RAI14: variants seen among roughly 807,000 people sequenced by gnomAD.
RAI14 encodes the protein retinoic acid induced 14, also known as ankycorbin.
In RAI14, 45 loss-of-function variants were observed where a neutral mutation model predicts 115.4. That is an observed-to-expected ratio of 0.39 (90% CI 0.31 to 0.50). RAI14 has a LOEUF of 0.50. RAI14 is among the 20% of genes least tolerant of loss of function. RAI14 has a pLI of 0.85. For synonymous variants in RAI14, 371 were observed against 415.4 expected (o/e 0.89, Z 1.30); for missense variants, 939 against 1,131.2 (o/e 0.83, Z 2.44).
At chr5:34,792,565 C>T (rs1029609971) in intron 3 of RAI14, among the ~76,000 whole-genome samples, 1 of 152,164 alleles carries the variant, frequency 6.6e-6, no homozygotes, top group African/African-American at 2.4e-5. Context: ...ATTCCTATGC[C>T]TGTGTGTTTT....
chr5:34,702,005 G>C (rs1387495202), intron 2 of RAI14, among the ~76,000 whole-genome samples: 2 of 151,798 alleles, frequency 1.3e-5, no homozygotes, highest in Non-Finnish European at 2.9e-5. Context: ...GTAGAGACAG[G>C]GTTTCACCAT....
At chr5:34,752,745 G>A (rs374495020) in intron 2 of RAI14, among the ~76,000 whole-genome samples, 40,671 of 102,552 alleles carry the variant, frequency 0.4, 9,744 homozygotes, top group African/African-American at 0.64. Flanking sequence ...GTGTGTGTGT[G>A]TGTGTATATA....
intron 1 of RAI14, among the ~76,000 whole-genome samples, chr5:34,686,642 A>G (rs1439970871): frequency 6.6e-6 from 1 of 152,184 alleles, no homozygotes; most frequent in African/African-American, 2.4e-5. Context: ...AATTAAAATA[A>G]ATATTAATAA....
At chr5:34,820,516 G>T (rs945363389) in intron 13 of RAI14, among the ~76,000 whole-genome samples, 6 of 152,206 alleles carry the variant, frequency 3.9e-5, no homozygotes, top group Admixed American at 2.6e-4. Context: ...GGAAGCTGAC[G>T]CAGGAGAATT....
At chr5:34,697,374 TGTG>T (rs1373252501) in intron 2 of RAI14, among the ~76,000 whole-genome samples, 1 of 150,372 alleles carries the variant, frequency 6.7e-6, no homozygotes, top group Non-Finnish European at 1.5e-5. Flanking sequence ...AGGCAGAGGT[TGTG>T]GTGACCCAAG....
rs565531709 is a variant in RAI14 at position 34,711,100 on chromosome 5, C to A, written c.36+24145C>A. 2.4e-3 allele frequency among the ~76,000 whole-genome samples: 362 copies of A among 152,184 alleles called. 5 individuals are homozygous for A. Among genetic ancestry groups the A allele is most frequent in the African/African-American group, 7.4e-3 (307 of 41,496 alleles). Reference sequence around the variant, plus strand: ...AGGTGACTGGTATTTAGAGATGAGGCCTTTGGGAAGTGATTAGGTCATAGG... The same window carrying A: ...AGGTGACTGGTATTTAGAGATGAGGACTTTGGGAAGTGATTAGGTCATAGG... On this transcript the variant is annotated intron_variant, in intron 2 of 17. Transcript: ENST00000265109.
chr5:34,734,530 G>C (rs530978256), intron 2 of RAI14, among the ~76,000 whole-genome samples: 1 of 152,264 alleles, frequency 6.6e-6, no homozygotes, highest in South Asian at 2.1e-4. Context: ...AGTAGAAGGA[G>C]TAGAAGGAAA....
chr5:34,694,414 G>A (rs555643541), intron 2 of RAI14, among the ~76,000 whole-genome samples: 4 of 152,164 alleles, frequency 2.6e-5, no homozygotes, highest in Non-Finnish European at 5.9e-5. Context: ...AGGGGCCAGC[G>A]TTGGCCAAAG....
intron 2 of RAI14, among the ~76,000 whole-genome samples, chr5:34,743,089 C>T (rs1745728553): frequency 6.6e-6 from 1 of 152,166 alleles, no homozygotes; most frequent in South Asian, 2.1e-4. Context: ...GTGGAGTCCT[C>T]TGGGGATGTT....
intron 3 of RAI14, among the ~76,000 whole-genome samples, chr5:34,784,455 G>C (rs959620547): frequency 2.6e-5 from 4 of 152,198 alleles, no homozygotes; most frequent in Admixed American, 2.6e-4. Flanking sequence ...AAATGGGTTT[G>C]CTGAGTAAGA....
rs1439370282 is a variant in RAI14 at position 34,682,041 on chromosome 5, G to C, written c.-48-4831G>C. Among the ~76,000 whole-genome samples, 23 of 151,910 alleles carry C rather than the reference G, an allele frequency of 1.5e-4. 1 individual carries two copies. Among genetic ancestry groups the C allele is most frequent in the Admixed American group, 1.5e-3 (23 of 15,262 alleles). On this transcript the variant is annotated intron_variant, in intron 1 of 17. Coordinates refer to ENST00000265109, the MANE Select transcript of RAI14 (RefSeq NM_015577.3). ...CGGCTAATTTTGTATTTTTGGTAGA[G>C]ACAGGGTTTCACCATGTTGGTCAGG...
At chr5:34,776,023 G>T (rs530346313) in intron 3 of RAI14, among the ~76,000 whole-genome samples, 1 of 152,254 alleles carries the variant, frequency 6.6e-6, no homozygotes, top group South Asian at 2.1e-4. Flanking sequence ...CAACCTAAGT[G>T]TCCATCATCA....
chr5:34,753,261 C>A (rs1011480492), intron 2 of RAI14, among the ~76,000 whole-genome samples: 2 of 151,966 alleles, frequency 1.3e-5, no homozygotes, highest in African/African-American at 4.8e-5. Context: ...GAATGAATTA[C>A]TTTGGGATGT....
chr5:34,688,021 C>G, intron 2 of RAI14: 4 of 1,351,744 alleles, frequency 3.0e-6, no homozygotes, highest in Non-Finnish European at 3.9e-6. Context: ...AAAGAAAGAA[C>G]TGGGAAGCGT....
intron 2 of RAI14, among the ~76,000 whole-genome samples, chr5:34,713,119 A>G (rs1741594280): frequency 6.6e-6 from 1 of 152,184 alleles, no homozygotes; most frequent in South Asian, 2.1e-4. Context: ...TCTAAGTGCC[A>G]CTTGTACCCA....
intron 1 of RAI14, among the ~76,000 whole-genome samples, chr5:34,683,768 C>A (rs1744567164): frequency 6.6e-6 from 1 of 151,850 alleles, no homozygotes; most frequent in African/African-American, 2.4e-5. Flanking sequence ...CACTCTGTCG[C>A]CCAGGGTGGA....
intron 3 of RAI14, among the ~76,000 whole-genome samples, chr5:34,764,910 T>C (rs545768704): frequency 1.3e-3 from 195 of 152,248 alleles, no homozygotes; most frequent in African/African-American, 4.4e-3. Context: ...ATAATTCCCA[T>C]GTGTTGTGGG....
chr5:34,742,535 A>G (rs971687044), intron 2 of RAI14, among the ~76,000 whole-genome samples: 4 of 152,192 alleles, frequency 2.6e-5, no homozygotes, highest in Admixed American at 2.0e-4. Context: ...TTTTAATCAT[A>G]AAAATGTGTT....
intron 2 of RAI14, among the ~76,000 whole-genome samples, chr5:34,718,635 T>C (rs1246350848): frequency 2.6e-5 from 4 of 152,240 alleles, no homozygotes; most frequent in South Asian, 4.1e-4. Flanking sequence ...GGTTGGGATC[T>C]ACTGGGAGAA....
Sources: allele counts gnomAD v4.1 joint callset (sites outside exome capture counted in the v4.1 genomes callset), GRCh38; gene constraint gnomAD v4.1.1; transcripts MANE v1.5; gene names NCBI Gene and HGNC (gene_info 2026-07-23, HGNC 2026-07-21).